The following STARD13 variants were observed in gnomAD, a reference collection of about 807,000 sequenced individuals.
STARD13 encodes StAR related lipid transfer domain containing 13.
STARD13 carries 62 observed loss-of-function variants against 106.4 expected under a neutral mutation model. The ratio of observed to expected loss-of-function variants is 0.58; its 90% CI spans 0.48 to 0.72. The LOEUF (loss-of-function observed/expected upper bound fraction) is 0.72. STARD13 is among the 30% of genes least tolerant of loss of function. STARD13 has a pLI of 0.00. For synonymous variants in STARD13, 565 were observed against 553.0 expected, an observed-to-expected ratio of 1.02 and a Z score of -0.31; for missense variants, 1,387 against 1,424.0, an observed-to-expected ratio of 0.97 and a Z score of 0.42.
chr13:33,487,362 A>T, the STARD13 span, among the ~76,000 whole-genome samples: 3 of 152,216 alleles, frequency 2.0e-5, no homozygotes, highest in Non-Finnish European at 4.4e-5. Context: ...TTTCACAATT[A>T]TCATCTCACA....
At chr13:33,153,886 G>A (rs1881616778) in intron 3 of STARD13, among the ~76,000 whole-genome samples, 1 of 152,216 alleles carries the variant, frequency 6.6e-6, no homozygotes, top group African/African-American at 2.4e-5. Flanking sequence ...CGGCCTGCTG[G>A]GGAGTGTTCC....
the STARD13 span, among the ~76,000 whole-genome samples, chr13:33,449,302 G>A: frequency 3.9e-5 from 6 of 152,232 alleles, no homozygotes; most frequent in South Asian, 6.2e-4. Context: ...AAAGGGTCTA[G>A]TTTCATTCTT....
intron 1 of STARD13, among the ~76,000 whole-genome samples, chr13:33,193,502 C>T (rs530287112): frequency 7.4e-4 from 112 of 152,270 alleles, no homozygotes; most frequent in Non-Finnish European, 1.1e-3. Flanking sequence ...TATCTCTCAC[C>T]CTCATGACAC....
the STARD13 span, among the ~76,000 whole-genome samples, chr13:33,621,546 G>A: frequency 6.6e-6 from 1 of 151,520 alleles, no homozygotes; most frequent in Non-Finnish European, 1.5e-5. Flanking sequence ...CGGGTGTGGT[G>A]GTGGGTGCCT....
downstream of STARD13, among the ~76,000 whole-genome samples, chr13:33,347,107 A>G (rs1214019811): frequency 2.0e-5 from 3 of 152,256 alleles, no homozygotes; most frequent in Non-Finnish European, 2.9e-5. Flanking sequence ...ATCTGTTGAC[A>G]GAACAGATGC....
chr13:33,363,646 C>T, the STARD13 span, among the ~76,000 whole-genome samples: 5 of 152,314 alleles, frequency 3.3e-5, no homozygotes, highest in East Asian at 9.6e-4. Flanking sequence ...GCCTCAGTGC[C>T]TTTGCACGTG....
chr13:33,459,022 C>T, the STARD13 span, among the ~76,000 whole-genome samples: 202 of 152,030 alleles, frequency 1.3e-3, 1 homozygote, highest in Middle Eastern at 0.014. Flanking sequence ...GGATTACAGG[C>T]GTGGGCACCT....
the STARD13 span, among the ~76,000 whole-genome samples, chr13:33,390,146 T>C: frequency 1.4e-4 from 22 of 152,146 alleles, no homozygotes; most frequent in Non-Finnish European, 2.9e-4. Context: ...CAATTAAAAG[T>C]ATGTCTTTAG....
At chr13:33,627,141 C>T in the STARD13 span, among the ~76,000 whole-genome samples, 3 of 152,172 alleles carry the variant, frequency 2.0e-5, no homozygotes, top group Non-Finnish European at 4.4e-5. Context: ...ACAGTGTTAG[C>T]TTGGCATTGA....
chr13:33,186,907 C>T (rs1490677422), intron 1 of STARD13, among the ~76,000 whole-genome samples: 2 of 152,180 alleles, frequency 1.3e-5, no homozygotes, highest in Non-Finnish European at 2.9e-5. Flanking sequence ...CGTTCCTAGG[C>T]TTGCAAAGAA....
chr13:33,174,521 C>A (rs562021266), intron 1 of STARD13, among the ~76,000 whole-genome samples: 21 of 152,254 alleles, frequency 1.4e-4, no homozygotes, highest in African/African-American at 4.8e-4. Context: ...AACCACCTTT[C>A]CTGCTCTTTT....
the STARD13 span, among the ~76,000 whole-genome samples, chr13:33,473,597 C>T: frequency 3.9e-5 from 6 of 152,284 alleles, no homozygotes; most frequent in East Asian, 7.7e-4. Flanking sequence ...GACCAAACCC[C>T]TGCTGTTTCA....
At chr13:33,238,359 C>G (rs1268360288) in intron 1 of STARD13, among the ~76,000 whole-genome samples, 2 of 151,910 alleles carry the variant, frequency 1.3e-5, no homozygotes, top group Non-Finnish European at 2.9e-5. Context: ...AGAACGGCTG[C>G]CCAAGAGATT....
At chr13:33,383,430 C>T in the STARD13 span, among the ~76,000 whole-genome samples, 1 of 151,924 alleles carries the variant, frequency 6.6e-6, no homozygotes, top group Admixed American at 6.6e-5. Flanking sequence ...AACTGGCACA[C>T]AGTCAGTGTT....
chr13:33,558,439 T>G, the STARD13 span, among the ~76,000 whole-genome samples: 2 of 152,298 alleles, frequency 1.3e-5, no homozygotes, highest in Middle Eastern at 6.8e-3. Flanking sequence ...TATACTTTCT[T>G]TTAAAATATG....
the STARD13 span, among the ~76,000 whole-genome samples, chr13:33,393,015 C>G: frequency 6.6e-6 from 1 of 152,150 alleles, no homozygotes; most frequent in Admixed American, 6.5e-5. Context: ...TGCCTAAGAA[C>G]TTTTATAACT....
chr13:33,540,655 T>C, the STARD13 span, among the ~76,000 whole-genome samples: 1 of 152,364 alleles, frequency 6.6e-6, no homozygotes, highest in South Asian at 2.1e-4. Context: ...CAAGGATGTT[T>C]GATGAGTGCA....
At chr13:33,614,858 A>G in the STARD13 span, among the ~76,000 whole-genome samples, 1 of 152,096 alleles carries the variant, frequency 6.6e-6, no homozygotes. Context: ...GAGGGAAAGA[A>G]GATAGGATTC....
At chr13:33,634,860 A>G in the STARD13 span, among the ~76,000 whole-genome samples, 1 of 152,190 alleles carries the variant, frequency 6.6e-6, no homozygotes, top group African/African-American at 2.4e-5. Flanking sequence ...GTGGTGAACC[A>G]GAAGACATGC....
Sources: gnomAD v4.1 joint callset for allele counts (sites outside exome capture counted in the v4.1 genomes callset) on GRCh38, gnomAD v4.1.1 for gene constraint, MANE v1.5 for transcripts, NCBI Gene and HGNC (gene_info 2026-07-23, HGNC 2026-07-21) for gene names.